KIF21B: variants seen among roughly 807,000 people sequenced by gnomAD.
KIF21B encodes the protein kinesin family member 21B.
KIF21B carries 85 observed loss-of-function variants against 192.9 expected under a neutral mutation model. The ratio of observed to expected loss-of-function variants is 0.44; its 90% CI spans 0.37 to 0.53. The LOEUF (loss-of-function observed/expected upper bound fraction) is 0.53, where lower values mean the gene tolerates loss of function less well. KIF21B is among the 20% of genes least tolerant of loss of function. The pLI is 0.00. For missense variants in KIF21B, 1,716 were observed against 2,194.8 expected, an observed-to-expected ratio of 0.78 and a Z score of 4.36; for synonymous variants, 832 against 884.6, an observed-to-expected ratio of 0.94 and a Z score of 1.05.
chr1:200,979,458 T>G, intron 30 of KIF21B, 77 bp downstream of exon 30: 1 of 1,181,194 alleles, frequency 8.5e-7, no homozygotes. Context: ...GCTGAGTGGG[T>G]CACTTGGGCT....
intron 23 of KIF21B, 40 bp from the exon 24 acceptor site, chr1:200,988,393 C>A: frequency 1.2e-6 from 2 of 1,612,968 alleles, no homozygotes; most frequent in Non-Finnish European, 8.5e-7. Flanking sequence ...CCTGAGGAGC[C>A]CCCAAATTCA....
chr1:200,988,404 G>C, intron 23 of KIF21B, 51 bp from the exon 24 acceptor site: 2 of 1,612,496 alleles, frequency 1.2e-6, no homozygotes, highest in South Asian at 2.2e-5. Flanking sequence ...CCCAAATTCA[G>C]GCTCAGCCCT....
chr1:200,988,817 T>C lies in KIF21B; in HGVS notation c.3247A>G (p.Lys1083Glu), dbSNP rs1656480794. The C allele has an allele frequency of 6.2e-7, 1 of 1,613,854 alleles. No individual in the cohort carries two copies. Among genetic ancestry groups the C allele is most frequent in the Non-Finnish European group, 8.5e-7 (1 of 1,179,900 alleles). The change falls in exon 22 of 35, where the codon AAG becomes GAG. Residue 1083 changes from lysine (K) to glutamate (E), a missense_variant. This residue lies in a region of KIF21B where 580 missense variants were observed against 775.5 expected (regional missense o/e 0.75). Transcript: ENST00000461742. ...NHLLLDALRE[K>E]AEAHPELQAL... ...TGCAGCTCGGGGTGAGCTTCAGCCT[T>C]CTCACGCAGGGCGTCCAGGAGCAGA...
rs1162975331 is a variant in KIF21B, at chr1:200,970,840, T to G, written c.*2681A>C. On this transcript the variant is annotated 3_prime_UTR_variant, in exon 35 of 35. Coordinates refer to ENST00000461742, the MANE Select transcript of KIF21B (RefSeq NM_001252102.2). ...TGGTCCCATGGCGTAAAGATGTGGC[T>G]GGGCCTGACAAGGCTCAGCCTCCAG... The G allele has an allele frequency of 6.6e-6, 1 of 152,432 alleles. No individual in the cohort carries two copies. Among genetic ancestry groups the G allele is most frequent in the Non-Finnish European group, 1.5e-5 (1 of 68,088 alleles). 9.4% of individuals were successfully genotyped at this position (152,432 alleles called of 1,614,324 possible). A position where few individuals can be genotyped will look rare whatever the true frequency, so the allele number is the denominator to read the frequency against.
intron 24 of KIF21B, 67 bp from the exon 25 acceptor site, chr1:200,987,268 G>T: frequency 1.4e-6 from 2 of 1,424,292 alleles, no homozygotes; most frequent in South Asian, 1.3e-5. Flanking sequence ...GGAGCCAGGG[G>T]AAATTCTATT....
In KIF21B at chr1:201,008,808, C is replaced by A; in HGVS notation, c.408G>T (p.Val136=). ...ERKRRAQEQG[V]AGPEFKVSAQ... is the part of the protein sequence containing the mutation. ...CGCTGACTTTGAACTCAGGTCCAGC[C>A]ACGCCCTGCTCCTGTGCCCGGCGCT... The change falls in exon 3 of 35, where the codon GTG becomes GTT. Residue 136 remains valine, a synonymous_variant. Coordinates refer to ENST00000461742, the MANE Select transcript of KIF21B (RefSeq NM_001252102.2). 6.2e-7 allele frequency: 1 copy of A among 1,605,138 alleles called. No homozygotes were observed. Among genetic ancestry groups the A allele is most frequent in the South Asian group, 1.1e-5 (1 of 91,052 alleles).
chr1:201,012,366 G>A (rs942946433), intron 1 of KIF21B, among the ~76,000 whole-genome samples: 1 of 152,188 alleles, frequency 6.6e-6, no homozygotes, highest in Admixed American at 6.5e-5. Context: ...CTGACTGAAT[G>A]AATAAATGGA....
chr1:200,973,343 G>A lies in KIF21B; in HGVS notation c.*178C>T. On this transcript the variant is annotated 3_prime_UTR_variant, in exon 35 of 35. Coordinates refer to ENST00000461742, the MANE Select transcript of KIF21B (RefSeq NM_001252102.2). Reference sequence around the variant, plus strand: ...CACCCAGAGGCTCCTGAGAGGCAGGGGAGGGATGAGGGAACAGTGTCCTGT... The same window carrying A: ...CACCCAGAGGCTCCTGAGAGGCAGGAGAGGGATGAGGGAACAGTGTCCTGT... 1.5e-6 allele frequency: 1 copy of A among 670,420 alleles called. No homozygotes were observed. The highest frequency in any genetic ancestry group is 2.2e-6 in the Non-Finnish European group (1 of 452,936). 41.5% of individuals were successfully genotyped at this position (670,420 alleles called of 1,614,324 possible).
chr1:201,005,367 A>G lies in KIF21B; in HGVS notation c.673T>C (p.Ser225Pro), dbSNP rs765495506. 2 of 1,613,068 alleles carry G rather than the reference A, an allele frequency of 1.2e-6. No homozygotes were observed. The highest frequency in any genetic ancestry group is 4.5e-5 in the East Asian group (2 of 44,866). Residue 225 changes from serine (S) to proline (P), a missense_variant, in exon 5 of 35, where the codon TCC becomes CCC. Ser to Pro is a moderately conservative substitution (Grantham distance 74). Transcript: ENST00000461742. Reference protein sequence around the residue: ...STQMNVQSSRSHAIFTIHLCQ... With the variant: ...STQMNVQSSRPHAIFTIHLCQ... Reference sequence around the variant, plus strand: ...AGGTGGATGGTGAAGATGGCGTGGGAGCGTGAGCTCTGCACGTTCATCTGG... The same window carrying G: ...AGGTGGATGGTGAAGATGGCGTGGGGGCGTGAGCTCTGCACGTTCATCTGG...
chr1:200,995,748 C>T (rs1458880018), intron 15 of KIF21B, among the ~76,000 whole-genome samples: 9 of 152,182 alleles, frequency 5.9e-5, no homozygotes, highest in African/African-American at 1.9e-4. Flanking sequence ...TGTGATCATG[C>T]GTGTGAGATG....
rs1558016116 is a variant in KIF21B, at chr1:200,999,880, C to T, written c.1767+3G>A. Reference sequence around the variant, plus strand: ...GTGAGGTGGGGCGGCCCGTGCTCCTCACCTCCTCCGCCTCGTTCTCATCCG... The same window carrying T: ...GTGAGGTGGGGCGGCCCGTGCTCCTTACCTCCTCCGCCTCGTTCTCATCCG... On this transcript the variant is annotated splice_donor_region_variant and intron_variant, in intron 12 of 34. Transcript: ENST00000461742. The surrounding 1 kb of genome is among the most constrained non-coding windows in gnomAD (Gnocchi z 4.7). 6.2e-7 allele frequency: 1 copy of T among 1,613,644 alleles called. No homozygotes were observed. Among genetic ancestry groups the T allele is most frequent in the Admixed American group, 1.7e-5 (1 of 60,036 alleles).
intron 2 of KIF21B, 92 bp downstream of exon 2, chr1:201,009,174 G>T: frequency 1.5e-6 from 2 of 1,310,766 alleles, no homozygotes; most frequent in Non-Finnish European, 1.1e-6. Context: ...CTGAGGCTAT[G>T]TTTCAGCTGC....
At position 201,000,623 on chromosome 1, in the gene KIF21B, C is replaced by T. The variant is rs1278006436; in HGVS notation, c.1467-15G>A. ...GAAGCTTAGTCCTGCACAGGAAGAACGAGTGGACGGGGCCGAGTGAGCTGC... is the reference window on the plus strand; with the variant it reads ...GAAGCTTAGTCCTGCACAGGAAGAATGAGTGGACGGGGCCGAGTGAGCTGC... On this transcript the variant is annotated splice_polypyrimidine_tract_variant and intron_variant, in intron 10 of 34. Transcript: ENST00000461742. This position sits in a 1 kb window ranked among gnomAD's most constrained non-coding sequence, Gnocchi z 6.0. 5.0e-6 allele frequency: 8 copies of T among 1,613,228 alleles called. No homozygotes were observed. In the Admixed American group the frequency reaches 8.3e-5, roughly 17 times the overall value.
intron 24 of KIF21B, 57 bp downstream of exon 24, chr1:200,988,239 A>T: frequency 6.7e-7 from 1 of 1,482,348 alleles, no homozygotes; most frequent in South Asian, 1.1e-5. Flanking sequence ...AGCGGTGAAC[A>T]GGCTGTGTGG....
Position 200,999,890 on chromosome 1 carries a change from G to T in KIF21B, c.1760C>A (p.Ala587Glu), listed in dbSNP as rs151003945. ...GCGGCCCGTGCTCCTCACCTCCTCC[G>T]CCTCGTTCTCATCCGTCTCCTCGCT... ...ENSEETDENE[A>E]EEEEEERDES... Residue 587 changes from alanine to glutamate, a missense_variant, in exon 12 of 35, where the codon GCG (alanine) becomes GAG (glutamate). Ala to Glu is a moderately radical substitution (Grantham distance 107). Transcript: ENST00000461742. This position sits in a 1 kb window ranked among gnomAD's most constrained non-coding sequence, Gnocchi z 4.7. The T allele has an allele frequency of 1.2e-4, 196 of 1,613,564 alleles. No individual in the cohort carries two copies. The highest frequency in any genetic ancestry group is 1.6e-4 in the Non-Finnish European group (184 of 1,180,002).
At chr1:200,981,465 C>T (rs1027704379) in intron 28 of KIF21B, among the ~76,000 whole-genome samples, 1 of 151,682 alleles carries the variant, frequency 6.6e-6, no homozygotes, top group Non-Finnish European at 1.5e-5. Context: ...CTGGGCAGGG[C>T]AGAGGCCCAG....
chr1:200,996,494 C>G lies in KIF21B; in HGVS notation c.2078-99G>C, dbSNP rs936110684. 3.7e-6 allele frequency: 4 copies of G among 1,071,542 alleles called. No homozygotes were observed. The African/African-American group carries it at 6.2e-5, about 17-fold the overall frequency. The allele number at this position is 1,071,542 out of a possible 1,614,324, so 66.4% of individuals were successfully genotyped here. ...GAACGCAGGAACCCTCTGTTCCAGT[C>G]TCATTGTATGACCTTGGGCAAGTCA... On this transcript the variant is annotated intron_variant, in intron 14 of 34. Transcript: ENST00000461742.
intron 1 of KIF21B, among the ~76,000 whole-genome samples, chr1:201,022,545 C>T (rs1658903477): frequency 6.6e-6 from 1 of 152,194 alleles, no homozygotes; most frequent in Non-Finnish European, 1.5e-5. Context: ...CCTTTGTGTA[C>T]CCCTCCCAAT....
chr1:200,977,386 G>C lies in KIF21B; in HGVS notation c.4161-10C>G, dbSNP rs527300594. On this transcript the variant is annotated splice_polypyrimidine_tract_variant and intron_variant, in intron 30 of 34. Coordinates refer to ENST00000461742, the MANE Select transcript of KIF21B (RefSeq NM_001252102.2). ...CACCTGGCCCGAGGACCTGCCCATC[G>C]GAGAAAGGCAAGGCCAGAGGTCAAA... is the stretch of plus-strand genomic sequence containing the variant. 6.2e-7 allele frequency: 1 copy of C among 1,612,798 alleles called. No individual in the cohort carries two copies. Among genetic ancestry groups the C allele is most frequent in the Non-Finnish European group, 8.5e-7 (1 of 1,178,962 alleles).
Sources: gnomAD v4.1 joint callset for allele counts (sites outside exome capture counted in the v4.1 genomes callset) on GRCh38, gnomAD v4.1.1 for gene constraint, gnomAD v4.1.1 regional missense constraint, Gnocchi (gnomAD v3.1) non-coding constraint, MANE v1.5 for transcripts, NCBI Gene and HGNC (gene_info 2026-07-23, HGNC 2026-07-21) for gene names.